The following TBL1X variants were observed in gnomAD, a reference collection of about 807,000 sequenced individuals.
TBL1X encodes F-box-like/WD repeat-containing protein TBL1X.
In TBL1X, 10 loss-of-function variants were observed where a neutral mutation model predicts 50.7. That is an observed-to-expected ratio of 0.20 (90% CI 0.12 to 0.33). TBL1X has a LOEUF of 0.33. Among genes scored for constraint, TBL1X ranks in the 10% least tolerant of loss-of-function variants. TBL1X has a pLI of 1.00. For synonymous variants in TBL1X, 190 were observed against 214.7 expected (o/e 0.88, Z 1.01); for missense variants, 340 against 504.4 (o/e 0.67, Z 3.12).
chrX:9,549,299 C>T (rs1433404956), intron 2 of TBL1X, among the ~76,000 whole-genome samples: 2 of 112,532 alleles, frequency 1.8e-5, no homozygotes, highest in Non-Finnish European at 3.8e-5. Flanking sequence ...GTGGGGCAGA[C>T]TCCACCTCCA....
chrX:9,681,945 C>G (rs1451307573), intron 5 of TBL1X, among the ~76,000 whole-genome samples: 1 of 112,486 alleles, frequency 8.9e-6, no homozygotes, highest in East Asian at 2.8e-4. Flanking sequence ...TGAGTGGCCC[C>G]CATCAGCCGT....
Position 9,718,437 on chromosome X carries a change from G to A in TBL1X, c.*2191G>A, listed in dbSNP as rs1484617396. 8.9e-6 allele frequency: 1 copy of A among 111,900 alleles called. No homozygotes were observed. Among genetic ancestry groups the A allele is most frequent in the Non-Finnish European group, 1.9e-5 (1 of 53,196 alleles). 9.2% of individuals were successfully genotyped at this position (111,900 alleles called of 1,213,427 possible). On this transcript the variant is annotated 3_prime_UTR_variant, in exon 18 of 18. Coordinates refer to ENST00000645353, the MANE Select transcript of TBL1X (RefSeq NM_005647.4). The stretch of plus-strand genomic sequence containing the variant: ...TGTTTCCGAAACACTTAGCAAAGAA[G>A]GTCACAGTGATGTGGAGTCGCCGCA...
chrX:9,688,233 G>A lies in TBL1X; in HGVS notation c.574G>A (p.Glu192Lys), dbSNP rs1304388582. 2 of 1,199,603 alleles carry A rather than the reference G, an allele frequency of 1.7e-6. No homozygotes were observed. Among genetic ancestry groups the A allele is most frequent in the African/African-American group, 1.7e-5 (1 of 57,630 alleles). Residue 192 changes from glutamate to lysine, a missense_variant, in exon 7 of 18, where the codon GAG becomes AAG. Coordinates refer to ENST00000645353, the MANE Select transcript of TBL1X (RefSeq NM_005647.4). The stretch of plus-strand genomic sequence containing the variant: ...CCACCAAAATCCATCGAAGAACAGA[G>A]AGGCCACGGTGAATGGGGAAGAGAA... ...VSHQNPSKNREATVNGEENRA... is the reference protein window; with the variant it reads ...VSHQNPSKNRKATVNGEENRA...
intron 1 of TBL1X, among the ~76,000 whole-genome samples, chrX:9,500,592 G>A (rs754044191): frequency 1.4e-4 from 16 of 111,845 alleles, no homozygotes; most frequent in African/African-American, 4.2e-4. Context: ...GCAAGACTCC[G>A]TCTCAAACAA....
rs368365462 is a variant in TBL1X at position 9,593,671 on chromosome X, C to T, written c.-130-46602C>T. On this transcript the variant is annotated intron_variant, in intron 2 of 17. Coordinates refer to ENST00000645353, the MANE Select transcript of TBL1X (RefSeq NM_005647.4). ...CCTTTCCCCACCTTTTCTCTCACCT[C>T]TCCTCCACCCAGTGCCCTTTCACCT... is the stretch of plus-strand genomic sequence containing the variant. Among the ~76,000 whole-genome samples, 3 of 110,723 alleles carry T rather than the reference C, an allele frequency of 2.7e-5. No individual in the cohort carries two copies. The East Asian group carries it at 8.6e-4, about 32-fold the overall frequency.
At position 9,539,159 on chromosome X, in the gene TBL1X, G is replaced by T. The variant is rs762854335; in HGVS notation, c.-131+37310G>T. On this transcript the variant is annotated intron_variant, in intron 2 of 17. Coordinates refer to ENST00000645353, the MANE Select transcript of TBL1X (RefSeq NM_005647.4). ...ACAACAAGGAACATCTAGGCACATT[G>T]CATACTTGATTAAATGCACAAAGAG... 2.7e-5 allele frequency among the ~76,000 whole-genome samples: 3 copies of T among 112,268 alleles called. No individual in the cohort carries two copies. In the South Asian group the frequency reaches 1.1e-3, roughly 42 times the overall value.
intron 1 of TBL1X, among the ~76,000 whole-genome samples, chrX:9,492,451 C>T (rs1282149082): frequency 8.1e-5 from 9 of 111,717 alleles, no homozygotes; most frequent in Non-Finnish European, 1.3e-4. Flanking sequence ...TTTTTAACTG[C>T]CACTTTTCCA....
chrX:9,620,728 A>G (rs1312760822), intron 2 of TBL1X, among the ~76,000 whole-genome samples: 1 of 111,760 alleles, frequency 8.9e-6, no homozygotes, highest in Non-Finnish European at 1.9e-5. Flanking sequence ...AGAGGTGTGC[A>G]CGGTGAACAA....
chrX:9,612,011 G>A (rs1032018845), intron 2 of TBL1X, among the ~76,000 whole-genome samples: 3 of 112,860 alleles, frequency 2.7e-5, no homozygotes, highest in African/African-American at 6.4e-5. Context: ...GCTGCCTTTC[G>A]ATCGCCTGGG....
At chrX:9,499,630 G>A (rs752390130) in intron 1 of TBL1X, among the ~76,000 whole-genome samples, 1 of 112,458 alleles carries the variant, frequency 8.9e-6, no homozygotes, top group South Asian at 3.7e-4. Context: ...GCCCCAGAAA[G>A]AACGCATGGT....
chrX:9,557,999 A>C (rs1026502444), intron 2 of TBL1X, among the ~76,000 whole-genome samples: 1 of 112,010 alleles, frequency 8.9e-6, no homozygotes, highest in African/African-American at 3.2e-5. Flanking sequence ...TTGTCCACAG[A>C]CCCCCAGACA....
At chrX:9,640,867 G>A (rs757026212) in intron 3 of TBL1X, among the ~76,000 whole-genome samples, 4 of 111,659 alleles carry the variant, frequency 3.6e-5, no homozygotes, top group Non-Finnish European at 7.5e-5. Context: ...CTGAGCTCAA[G>A]TGATCCGCCC....
intron 2 of TBL1X, among the ~76,000 whole-genome samples, chrX:9,580,682 G>A (rs2082436281): frequency 9.0e-6 from 1 of 111,645 alleles, no homozygotes; most frequent in African/African-American, 3.3e-5. Flanking sequence ...AGTCCAGAAA[G>A]GTGGGACAAC....
intron 2 of TBL1X, among the ~76,000 whole-genome samples, chrX:9,543,672 G>A (rs2082226926): frequency 8.9e-6 from 1 of 112,211 alleles, no homozygotes; most frequent in South Asian, 3.7e-4. Context: ...GGGACTCTCT[G>A]TTGACAGTTG....
At chrX:9,685,287 C>T (rs1308855156) in intron 6 of TBL1X, among the ~76,000 whole-genome samples, 2 of 111,882 alleles carry the variant, frequency 1.8e-5, no homozygotes, top group Non-Finnish European at 3.8e-5. Flanking sequence ...CCGCCTTCAC[C>T]TGAGTCCCTA....
At chrX:9,705,958 A>G (rs1448892535) in intron 13 of TBL1X, among the ~76,000 whole-genome samples, 1 of 110,971 alleles carries the variant, frequency 9.0e-6, no homozygotes, top group African/African-American at 3.3e-5. Context: ...GCTTCCAACC[A>G]TGGCAGGAGG....
intron 2 of TBL1X, among the ~76,000 whole-genome samples, chrX:9,616,258 A>G (rs1337172022): frequency 6.2e-5 from 7 of 112,368 alleles, no homozygotes; most frequent in African/African-American, 2.3e-4. Flanking sequence ...TTTAAATGGT[A>G]TTATATTTGA....
rs112979525 is a variant in TBL1X at position 9,485,165 on chromosome X, T to G, written c.-200-16615T>G. Among the ~76,000 whole-genome samples, 461 of 111,338 alleles carry G rather than the reference T, an allele frequency of 4.1e-3. 2 individuals are homozygous for G. Among genetic ancestry groups the G allele is most frequent in the African/African-American group, 0.014 (442 of 30,648 alleles). ...CCCCATCCCCAGAGTTTGTGATTCA[T>G]TGAATTAGGGGCTGGGTTAAGACTC... is the stretch of plus-strand genomic sequence containing the variant. On this transcript the variant is annotated intron_variant, in intron 1 of 17. Transcript: ENST00000645353.
At chrX:9,528,357 A>G (rs981760859) in intron 2 of TBL1X, among the ~76,000 whole-genome samples, 1 of 111,122 alleles carries the variant, frequency 9.0e-6, no homozygotes, top group African/African-American at 3.3e-5. Flanking sequence ...GAATTGTCCT[A>G]TATGCAGGGG....
Sources: gnomAD v4.1 joint callset for allele counts (sites outside exome capture counted in the v4.1 genomes callset) on GRCh38, gnomAD v4.1.1 for gene constraint, MANE v1.5 for transcripts, NCBI Gene and HGNC (gene_info 2026-07-23, HGNC 2026-07-21) for gene names.